The following NLGN1 variants were observed in gnomAD, a reference collection of about 807,000 sequenced individuals.
The protein encoded by NLGN1 is neuroligin-1.
Under a neutral mutation model 65.5 loss-of-function variants are expected in NLGN1, and 12 were observed. The observed-to-expected ratio is 0.18, with a 90% CI of 0.12 to 0.30. The LOEUF is 0.30. Ranked by LOEUF, NLGN1 falls within the 10% of genes least tolerant of loss-of-function variation. The pLI is 1.00. For missense variants in NLGN1, 750 were observed against 1,007.1 expected (o/e 0.74, Z 3.46); for synonymous variants, 350 against 359.5 (o/e 0.97, Z 0.30).
At chr3:173,648,664 T>G (rs1355090454) in intron 3 of NLGN1, among the ~76,000 whole-genome samples, 2 of 152,116 alleles carry the variant, frequency 1.3e-5, no homozygotes, top group African/African-American at 4.8e-5. Context: ...AACCTCTGCC[T>G]CCTGGATTCA....
At position 173,571,759 on chromosome 3, in the gene NLGN1, T is replaced by TTTG. The variant is rs561460399; in HGVS notation, c.-320-32507_-320-32505dup. Among the ~76,000 whole-genome samples the TTTG allele has an allele frequency of 2.5e-3, 375 of 152,270 alleles. 6 individuals are homozygous for TTTG. Among genetic ancestry groups the TTTG allele is most frequent in the Non-Finnish European group, 1.3e-3 (86 of 68,026 alleles). On this transcript the variant is annotated intron_variant, in intron 2 of 6. Transcript: ENST00000457714. ...GCGAAGTAGGTTTAGATGTTTGTTT[T>TTTG]TTGTTGTTGTTGTTGGTGGTGATCT...
chr3:173,585,994 A>G (rs540206642), intron 2 of NLGN1, among the ~76,000 whole-genome samples: 2 of 152,348 alleles, frequency 1.3e-5, no homozygotes, highest in East Asian at 1.9e-4. Context: ...CCAGAAAAGC[A>G]TATTATTCTG....
intron 4 of NLGN1, among the ~76,000 whole-genome samples, chr3:174,072,481 T>C (rs1391200172): frequency 6.6e-6 from 1 of 152,122 alleles, no homozygotes. Context: ...TTGGAAAATA[T>C]AGACTCAGGA....
intron 3 of NLGN1, among the ~76,000 whole-genome samples, chr3:173,619,896 A>G (rs951721663): frequency 6.6e-6 from 1 of 152,328 alleles, no homozygotes; most frequent in Non-Finnish European, 1.5e-5. Context: ...AAATGACTGC[A>G]GAACAAGAGG....
intron 3 of NLGN1, among the ~76,000 whole-genome samples, chr3:173,796,127 A>G (rs1196362611): frequency 6.6e-6 from 1 of 152,128 alleles, no homozygotes; most frequent in African/African-American, 2.4e-5. Flanking sequence ...GACACAAAGT[A>G]TGGATAATTT....
At chr3:174,193,816 C>T (rs1182494205) in intron 4 of NLGN1, among the ~76,000 whole-genome samples, 2 of 152,116 alleles carry the variant, frequency 1.3e-5, no homozygotes, top group Non-Finnish European at 2.9e-5. Context: ...AAAATATTTT[C>T]ATTACAAATT....
In NLGN1 at chr3:173,989,792, A is replaced by T. The variant is rs528796971; in HGVS notation, c.646+181960A>T. Among the ~76,000 whole-genome samples, 13 of 152,206 alleles carry T rather than the reference A, an allele frequency of 8.5e-5. No homozygotes were observed. The South Asian group carries it at 2.7e-3, about 32-fold the overall frequency. ...GCTCAGCATTTTGGCTTCGGTGTTG[A>T]TGACTGTCATAGCTTCATGTCCTCA... On this transcript the variant is annotated intron_variant, in intron 4 of 6. Transcript: ENST00000457714.
intron 4 of NLGN1, among the ~76,000 whole-genome samples, chr3:173,973,776 G>A (rs1311622259): frequency 6.6e-6 from 1 of 151,936 alleles, no homozygotes; most frequent in African/African-American, 2.4e-5. Flanking sequence ...CAAATAATTT[G>A]ATAGTAATAA....
chr3:174,130,584 T>C (rs1452936057), intron 4 of NLGN1, among the ~76,000 whole-genome samples: 1 of 152,070 alleles, frequency 6.6e-6, no homozygotes, highest in African/African-American at 2.4e-5. Flanking sequence ...ACCTATGATA[T>C]ATCAGGCAAT....
intron 4 of NLGN1, among the ~76,000 whole-genome samples, chr3:174,245,231 TGGCATTTAC>T (rs1743581335): frequency 6.6e-6 from 1 of 152,176 alleles, no homozygotes; most frequent in South Asian, 2.1e-4. Context: ...TTTTTAAAAG[TGGCATTTAC>T]AGTCTTTGTA....
intron 2 of NLGN1, among the ~76,000 whole-genome samples, chr3:173,588,380 C>T (rs1747865477): frequency 6.6e-6 from 1 of 152,058 alleles, no homozygotes; most frequent in South Asian, 2.1e-4. Flanking sequence ...TCAAATATTA[C>T]TATGTTGGTA....
chr3:173,927,801 T>C (rs1341889621), intron 4 of NLGN1, among the ~76,000 whole-genome samples: 1 of 152,076 alleles, frequency 6.6e-6, no homozygotes, highest in Non-Finnish European at 1.5e-5. Flanking sequence ...ACAGGTATGC[T>C]GGTGTGTCAC....
At chr3:173,983,140 A>G (rs1719127649) in intron 4 of NLGN1, among the ~76,000 whole-genome samples, 2 of 152,078 alleles carry the variant, frequency 1.3e-5, no homozygotes, top group African/African-American at 4.8e-5. Context: ...CATGTTTCTC[A>G]TAAGTATTGT....
intron 4 of NLGN1, among the ~76,000 whole-genome samples, chr3:174,228,569 C>T (rs539733740): frequency 6.6e-6 from 1 of 152,178 alleles, no homozygotes; most frequent in East Asian, 1.9e-4. Context: ...GATATAGACG[C>T]TATTCAGCAC....
chr3:173,829,983 G>A (rs1263328450), intron 4 of NLGN1, among the ~76,000 whole-genome samples: 1 of 137,568 alleles, frequency 7.3e-6, no homozygotes, highest in African/African-American at 2.8e-5. Flanking sequence ...CTTTGGGTAG[G>A]TTATAGAATT....
chr3:174,283,745 A>C (rs1461328228), exon 7 of NLGN1: 1 of 151,444 alleles, frequency 6.6e-6, no homozygotes, highest in Non-Finnish European at 1.5e-5. Context: ...AGTCTTCAAA[A>C]TCCAGAGTGA....
At chr3:173,615,224 G>T (rs1643645341) in intron 3 of NLGN1, among the ~76,000 whole-genome samples, 1 of 152,044 alleles carries the variant, frequency 6.6e-6, no homozygotes, top group Non-Finnish European at 1.5e-5. Flanking sequence ...TTGATTGATT[G>T]TTATTCTTTT....
intron 3 of NLGN1, among the ~76,000 whole-genome samples, chr3:173,721,486 AC>A (rs1485011962): frequency 6.6e-6 from 1 of 152,226 alleles, no homozygotes; most frequent in Non-Finnish European, 1.5e-5. Context: ...AGGTTTGGTC[AC>A]CACACTCTAA....
At chr3:173,574,373 G>C (rs1390537175) in intron 2 of NLGN1, among the ~76,000 whole-genome samples, 2 of 151,788 alleles carry the variant, frequency 1.3e-5, no homozygotes, top group Non-Finnish European at 1.5e-5. Flanking sequence ...CTTGACTTCT[G>C]TCTTTCAATT....
Sources: gnomAD v4.1 joint callset for allele counts (sites outside exome capture counted in the v4.1 genomes callset) on GRCh38, gnomAD v4.1.1 for gene constraint, MANE v1.5 for transcripts, NCBI Gene and HGNC (gene_info 2026-07-23, HGNC 2026-07-21) for gene names.